The following MOK variants were observed in gnomAD, a reference collection of about 807,000 sequenced individuals.
The protein encoded by MOK is MAPK/MAK/MRK overlapping kinase.
MOK carries 59 observed loss-of-function variants against 54.2 expected under a neutral mutation model. The observed-to-expected ratio is 1.09, with a 90% CI of 0.88 to 1.35. The LOEUF is 1.35. Among genes scored for constraint, MOK ranks in the 40% most tolerant of loss-of-function variants. The pLI is 0.00. For missense variants in MOK, 517 were observed against 526.2 expected (o/e 0.98, Z 0.17); for synonymous variants, 210 against 202.7 (o/e 1.04, Z -0.31).
At chr14:102,264,600 G>A (rs79431979) in intron 3 of MOK, 6,248 of 152,350 alleles carry the variant, frequency 0.041, 150 homozygotes, top group Middle Eastern at 0.065. Flanking sequence ...TGTAAAGTGC[G>A]TGGGAAGTGC....
At chr14:102,304,926 T>TC in intron 1 of MOK, 36 bp downstream of exon 1, 1 of 1,218,162 alleles carries the variant, frequency 8.2e-7, no homozygotes, top group Non-Finnish European at 1.1e-6. Context: ...CGCCACTCGC[T>TC]CTCCAGTCCC....
chr14:102,233,955 C>T, intron 7 of MOK, 166 bp from the exon 8 acceptor site: 1 of 594,060 alleles, frequency 1.7e-6, no homozygotes. Context: ...CTACCGTAAA[C>T]ATCACAAGGT....
rs1170804937 is a variant in MOK at position 102,249,198 on chromosome 14, G to A, written c.590+1614C>T. 1.3e-5 allele frequency among the ~76,000 whole-genome samples: 2 copies of A among 152,194 alleles called. No homozygotes were observed. Among genetic ancestry groups the A allele is most frequent in the Non-Finnish European group, 2.9e-5 (2 of 68,054 alleles). On this transcript the variant is annotated intron_variant, in intron 7 of 11. Coordinates refer to ENST00000361847, the MANE Select transcript of MOK (RefSeq NM_014226.3). This position sits in a 1 kb window ranked among gnomAD's most constrained non-coding sequence, Gnocchi z 5.3. The stretch of plus-strand genomic sequence containing the variant: ...TGTGTTTTCTAAGAGGCAAAAGACA[G>A]ATCCACATTCCGTCATCTGTTCAGC...
In MOK at chr14:102,304,205, A is replaced by G. The variant is rs571204581; in HGVS notation, c.7+757T>C. Among the ~76,000 whole-genome samples the G allele has an allele frequency of 2.6e-5, 4 of 152,350 alleles. No homozygotes were observed. In the East Asian group the frequency reaches 7.7e-4, roughly 29 times the overall value. On this transcript the variant is annotated intron_variant, in intron 1 of 11. Transcript: ENST00000361847. ...TAACTACTCCTAACATAATATTTTC[A>G]CAGCAAAGGTCTGAATTTTTACTGC...
intron 2 of MOK, among the ~76,000 whole-genome samples, chr14:102,279,687 C>T (rs942779837): frequency 3.9e-5 from 6 of 152,060 alleles, no homozygotes; most frequent in Non-Finnish European, 5.9e-5. Context: ...AGATACAAAA[C>T]GACTCAGTTC....
chr14:102,305,112 A>G lies in MOK; in HGVS notation c.-144T>C. ...TGGTGGTCCCTCGAAGGAGAGCGTT[A>G]GAGATCCCGCCGCCATGTTGTGTCC... On this transcript the variant is annotated 5_prime_UTR_variant, in exon 1 of 12. Transcript: ENST00000361847. 1.0e-6 allele frequency: 1 copy of G among 970,176 alleles called. No individual in the cohort carries two copies. The highest frequency in any genetic ancestry group is 1.6e-6 in the Non-Finnish European group (1 of 624,678). 60.1% of individuals were successfully genotyped at this position (970,176 alleles called of 1,614,324 possible).
intron 7 of MOK, chr14:102,234,032 T>G: frequency 4.7e-6 from 2 of 428,044 alleles, no homozygotes; most frequent in Non-Finnish European, 8.4e-6. Flanking sequence ...TCCCTCAAAC[T>G]CCCTTCCCCA....
At chr14:102,297,983 G>T (rs2071639835) in intron 1 of MOK, among the ~76,000 whole-genome samples, 1 of 152,310 alleles carries the variant, frequency 6.6e-6, no homozygotes, top group African/African-American at 2.4e-5. Flanking sequence ...CCCGCTGTGG[G>T]CTCCTGCGCA....
rs960993434 is a variant in MOK at position 102,305,118 on chromosome 14, C to T, written c.-150G>A. The T allele has an allele frequency of 5.4e-6, 5 of 925,406 alleles. No individual in the cohort carries two copies. The African/African-American group carries it at 6.5e-5, about 12-fold the overall frequency. The allele number at this position is 925,406 out of a possible 1,614,324, so 57.3% of individuals were successfully genotyped here. A position where few individuals can be genotyped will look rare whatever the true frequency, so the allele number is the denominator to read the frequency against. ...TCCCTCGAAGGAGAGCGTTAGAGAT[C>T]CCGCCGCCATGTTGTGTCCCTGTCA... On this transcript the variant is annotated 5_prime_UTR_variant, in exon 1 of 12. Transcript: ENST00000361847.
In MOK at chr14:102,229,497, G is replaced by C; in HGVS notation, c.1142C>G (p.Pro381Arg). 6.2e-7 allele frequency: 1 copy of C among 1,614,172 alleles called. No individual in the cohort carries two copies. The highest frequency in any genetic ancestry group is 8.5e-7 in the Non-Finnish European group (1 of 1,180,028). The change falls in exon 11 of 12, where the codon CCG becomes CGG. Residue 381 changes from proline to arginine, a missense_variant. Pro to Arg is a moderately radical substitution (Grantham distance 103). Transcript: ENST00000361847. ...GATGCACTTCAAGGGTCTCAGCACC[G>C]GCACTCTTCCATTTGTTCCAGATCC... ...VLGSGTNGRVPVLRPLKCIPA... is the reference protein window; with the variant it reads ...VLGSGTNGRVRVLRPLKCIPA...
chr14:102,232,724 A>G lies in MOK; in HGVS notation c.693-16T>C, dbSNP rs759620152. ...AGCTCTCGACCTGTATTAAAAACCC[A>G]ATGATAATAAATGGTCATGCTGTCA... On this transcript the variant is annotated splice_polypyrimidine_tract_variant and intron_variant, in intron 8 of 11. Coordinates refer to ENST00000361847, the MANE Select transcript of MOK (RefSeq NM_014226.3). This position sits in a 1 kb window ranked among gnomAD's most constrained non-coding sequence, Gnocchi z 5.1. 4 of 1,603,362 alleles carry G rather than the reference A, an allele frequency of 2.5e-6. No homozygotes were observed. In the South Asian group the frequency reaches 4.4e-5, roughly 18 times the overall value.
At position 102,232,847 on chromosome 14, in the gene MOK, G is replaced by A. The variant is rs972915789; in HGVS notation, c.693-139C>T. 5.9e-6 allele frequency: 4 copies of A among 676,958 alleles called. No individual in the cohort carries two copies. Among genetic ancestry groups the A allele is most frequent in the Non-Finnish European group, 9.7e-6 (4 of 412,824 alleles). 41.9% of individuals were successfully genotyped at this position (676,958 alleles called of 1,614,324 possible). On this transcript the variant is annotated intron_variant, in intron 8 of 11. Transcript: ENST00000361847. This position sits in a 1 kb window ranked among gnomAD's most constrained non-coding sequence, Gnocchi z 5.1. ...CTACACCTGTCCCAGCCCACAGAAC[G>A]TGCACCACCAAGAGGGACCCCTGAT...
In MOK at chr14:102,229,517, A is replaced by G. The variant is rs1443198213; in HGVS notation, c.1122T>C (p.Ser374=). 1 of 1,614,162 alleles carries G rather than the reference A, an allele frequency of 6.2e-7. No homozygotes were observed. The highest frequency in any genetic ancestry group is 2.2e-5 in the East Asian group (1 of 44,880). Residue 374 remains serine (S), a synonymous_variant, in exon 11 of 12, where the codon TCT becomes TCC. Transcript: ENST00000361847. ...SSPTLQSVLG[S]GTNGRVPVLR... is the part of the protein sequence containing the mutation. ...GCACCGGCACTCTTCCATTTGTTCC[A>G]GATCCAAGCACGGACTGCAGCGTGG...
At chr14:102,276,647 C>T (rs1463797412) in intron 2 of MOK, among the ~76,000 whole-genome samples, 1 of 151,644 alleles carries the variant, frequency 6.6e-6, no homozygotes, top group Non-Finnish European at 1.5e-5. Context: ...AAAAATTAGC[C>T]GGGTGTGATG....
chr14:102,294,238 A>C (rs2071145382), intron 1 of MOK, among the ~76,000 whole-genome samples: 1 of 152,058 alleles, frequency 6.6e-6, no homozygotes, highest in South Asian at 2.1e-4. Flanking sequence ...CGAGGTCAGG[A>C]GATCAACACC....
intron 1 of MOK, among the ~76,000 whole-genome samples, chr14:102,299,165 C>CG (rs985091788): frequency 2.7e-5 from 4 of 149,532 alleles, no homozygotes; most frequent in Non-Finnish European, 5.9e-5. Context: ...CTTTCCATGG[C>CG]GGAAAAAAAA....
downstream of MOK, among the ~76,000 whole-genome samples, chr14:102,220,983 T>TCTCAGACTCCTGGG (rs1484781970): frequency 1.3e-5 from 2 of 152,140 alleles, no homozygotes; most frequent in Non-Finnish European, 2.9e-5. The surrounding 1 kb of genome is among the most constrained non-coding windows in gnomAD (Gnocchi z 4.2). Context: ...GCCAGGCTGG[T>TCTCAGACTCCTGGG]CTCAGACTCC....
intron 2 of MOK, among the ~76,000 whole-genome samples, chr14:102,268,257 A>G (rs1597452015): frequency 6.6e-6 from 1 of 152,142 alleles, no homozygotes; most frequent in East Asian, 1.9e-4. Context: ...GCTAAGACAA[A>G]TATTTAGAAA....
intron 2 of MOK, among the ~76,000 whole-genome samples, chr14:102,276,909 T>A (rs922215731): frequency 4.6e-5 from 7 of 151,816 alleles, no homozygotes; most frequent in African/African-American, 1.7e-4. Context: ...AGTGCAGTGG[T>A]GTGATCATGG....
Sources: gnomAD v4.1 joint callset for allele counts (sites outside exome capture counted in the v4.1 genomes callset) on GRCh38, gnomAD v4.1.1 for gene constraint, Gnocchi (gnomAD v3.1) non-coding constraint, MANE v1.5 for transcripts, NCBI Gene and HGNC (gene_info 2026-07-23, HGNC 2026-07-21) for gene names.